The following RAP1A variants were observed in gnomAD, a reference collection of about 807,000 sequenced individuals.
RAP1A encodes the protein RAP1A, member of RAS oncogene family, also known as ras-related protein Rap-1A.
In RAP1A, 6 loss-of-function variants were observed where a neutral mutation model predicts 26.4. The ratio of observed to expected loss-of-function variants is 0.23; its 90% confidence interval spans 0.12 to 0.45. RAP1A has a LOEUF of 0.45. RAP1A is among the 20% of genes least tolerant of loss of function. The probability of loss-of-function intolerance (pLI) is 0.99; values close to 1 mark genes in which losing one functional copy is unlikely to be tolerated. For synonymous variants in RAP1A, 73 were observed against 79.4 expected (o/e 0.92, Z 0.43); for missense variants, 121 against 217.2 (o/e 0.56, Z 2.78).
chr1:111,553,806 A>G (rs1048189553), intron 1 of RAP1A, among the ~76,000 whole-genome samples: 1 of 152,162 alleles, frequency 6.6e-6, no homozygotes, highest in Non-Finnish European at 1.5e-5. Context: ...AGTCAACTCA[A>G]ATCCATCTCT....
Position 111,713,127 on chromosome 1 carries a change from GT to G in RAP1A, c.*731del, listed in dbSNP as rs551489711. 1 of 152,642 alleles carries G rather than the reference GT, an allele frequency of 6.6e-6. No homozygotes were observed. The highest frequency in any genetic ancestry group is 2.1e-4 in the South Asian group (1 of 4,824). The allele number at this position is 152,642 out of a possible 1,614,324, so 9.5% of individuals were successfully genotyped here. On this transcript the variant is annotated 3_prime_UTR_variant, in exon 8 of 8. Transcript: ENST00000369709. Reference sequence around the variant, plus strand: ...TAGTACATTTTCATTTGGTTTGTGTGTTTTTGTTATTGTTTATAGATTAAAG... The same window carrying G: ...TAGTACATTTTCATTTGGTTTGTGTGTTTTGTTATTGTTTATAGATTAAAG...
intron 1 of RAP1A, among the ~76,000 whole-genome samples, chr1:111,582,576 T>C (rs1658278602): frequency 1.3e-5 from 2 of 152,272 alleles, no homozygotes; most frequent in South Asian, 4.1e-4. Flanking sequence ...CAAAGTGAGT[T>C]ATGGATTAAT....
intron 1 of RAP1A, among the ~76,000 whole-genome samples, chr1:111,680,101 A>G (rs1389938809): frequency 1.3e-5 from 2 of 151,990 alleles, no homozygotes; most frequent in African/African-American, 4.8e-5. Context: ...ACTGGGAGAC[A>G]CCTCCCAGTG....
intron 1 of RAP1A, among the ~76,000 whole-genome samples, chr1:111,578,456 T>G (rs576162152): frequency 1.3e-4 from 19 of 151,456 alleles, no homozygotes; most frequent in Non-Finnish European, 2.2e-4. Flanking sequence ...TAAGGAAAAT[T>G]TTTTCTCTAG....
intron 7 of RAP1A, among the ~76,000 whole-genome samples, chr1:111,710,040 C>T (rs528103977): frequency 1.4e-4 from 21 of 152,248 alleles, no homozygotes; most frequent in African/African-American, 4.3e-4. Context: ...TACATATGGA[C>T]AGCTTTAGTA....
At chr1:111,548,843 G>C (rs921595468) in intron 1 of RAP1A, among the ~76,000 whole-genome samples, 1 of 152,154 alleles carries the variant, frequency 6.6e-6, no homozygotes, top group Admixed American at 6.5e-5. Flanking sequence ...TGTGATGTTT[G>C]TTCTTGCTTC....
At chr1:111,650,882 A>G (rs1251357756) in intron 1 of RAP1A, among the ~76,000 whole-genome samples, 3 of 151,810 alleles carry the variant, frequency 2.0e-5, no homozygotes, top group Non-Finnish European at 4.4e-5. Context: ...GCTCACTGCA[A>G]CCTCCGCCTC....
At chr1:111,556,213 A>G (rs59243465) in intron 1 of RAP1A, among the ~76,000 whole-genome samples, 3,821 of 152,268 alleles carry the variant, frequency 0.025, 155 homozygotes, top group African/African-American at 0.086. Flanking sequence ...AAAACCCACA[A>G]TGAGATATCA....
intron 6 of RAP1A, among the ~76,000 whole-genome samples, chr1:111,706,296 A>G (rs1223322139): frequency 6.6e-6 from 1 of 152,100 alleles, no homozygotes; most frequent in African/African-American, 2.4e-5. Context: ...TTTCTTTGGT[A>G]GTTAATAGTT....
intron 1 of RAP1A, chr1:111,600,157 T>C (rs1658643576): frequency 1.3e-5 from 2 of 152,270 alleles, no homozygotes; most frequent in South Asian, 4.1e-4. Flanking sequence ...CTCAGGTGTT[T>C]ATAGCAACAC....
intron 1 of RAP1A, among the ~76,000 whole-genome samples, chr1:111,665,691 A>G (rs1472298675): frequency 6.6e-6 from 1 of 152,198 alleles, no homozygotes; most frequent in African/African-American, 2.4e-5. Flanking sequence ...CTAAAACAGG[A>G]TATGCATTCA....
In RAP1A at chr1:111,678,379, A is replaced by AT. The variant is rs924286736; in HGVS notation, c.-27-12947dup. Among the ~76,000 whole-genome samples the AT allele has an allele frequency of 1.9e-3, 290 of 152,104 alleles. 2 individuals are homozygous for AT. Among genetic ancestry groups the AT allele is most frequent in the African/African-American group, 6.6e-3 (272 of 41,510 alleles). On this transcript the variant is annotated intron_variant, in intron 1 of 7. Coordinates refer to ENST00000369709, the MANE Select transcript of RAP1A (RefSeq NM_002884.4). The stretch of plus-strand genomic sequence containing the variant: ...CTTACTGGATGTTTTTGTAAATGGC[A>AT]TTTTTTTTAATTTCAATTTTCAGTT...
intron 1 of RAP1A, among the ~76,000 whole-genome samples, chr1:111,590,386 C>T (rs1410348084): frequency 6.6e-6 from 1 of 152,184 alleles, no homozygotes; most frequent in Non-Finnish European, 1.5e-5. Flanking sequence ...AACCATTAAG[C>T]ATGCATACTA....
intron 1 of RAP1A, among the ~76,000 whole-genome samples, chr1:111,570,336 C>T (rs974566779): frequency 6.6e-6 from 1 of 152,154 alleles, no homozygotes; most frequent in Non-Finnish European, 1.5e-5. Flanking sequence ...GAAGGTTGGG[C>T]ACCTATCAAA....
intron 4 of RAP1A, among the ~76,000 whole-genome samples, chr1:111,698,053 T>C (rs1323831087): frequency 6.6e-6 from 1 of 152,148 alleles, no homozygotes; most frequent in Non-Finnish European, 1.5e-5. Flanking sequence ...TATAAATCAT[T>C]AGGCATAATG....
At chr1:111,662,464 A>G (rs986895701) in intron 1 of RAP1A, among the ~76,000 whole-genome samples, 2 of 152,110 alleles carry the variant, frequency 1.3e-5, no homozygotes, top group Non-Finnish European at 2.9e-5. Flanking sequence ...GATGTTTTCA[A>G]AACAAAGGTG....
intron 1 of RAP1A, among the ~76,000 whole-genome samples, chr1:111,636,601 A>G (rs1348939412): frequency 6.6e-6 from 1 of 151,600 alleles, no homozygotes; most frequent in East Asian, 1.9e-4. Flanking sequence ...TTCCTGCCTC[A>G]GCCTTCTGAG....
intron 1 of RAP1A, among the ~76,000 whole-genome samples, chr1:111,682,647 AC>A (rs1383273713): frequency 2.6e-5 from 4 of 152,196 alleles, no homozygotes; most frequent in African/African-American, 9.7e-5. Flanking sequence ...ATATATATGG[AC>A]CCAATACAGG....
At chr1:111,671,196 G>A (rs559784791) in intron 1 of RAP1A, among the ~76,000 whole-genome samples, 1 of 152,294 alleles carries the variant, frequency 6.6e-6, no homozygotes, top group Admixed American at 6.5e-5. Flanking sequence ...ACAGCTCCCT[G>A]TGCCCATAGA....
Sources: allele counts gnomAD v4.1 joint callset (sites outside exome capture counted in the v4.1 genomes callset), GRCh38; gene constraint gnomAD v4.1.1; transcripts MANE v1.5; gene names NCBI Gene and HGNC (gene_info 2026-07-23, HGNC 2026-07-21).